The following NUP210 variants were observed in gnomAD, a reference collection of about 807,000 sequenced individuals.
The protein encoded by NUP210 is nucleoporin 210.
Under a neutral mutation model 196.0 loss-of-function variants are expected in NUP210, and 151 were observed. The observed-to-expected ratio is 0.77, with a 90% CI of 0.67 to 0.88. The LOEUF (loss-of-function observed/expected upper bound fraction) is 0.88, where lower values mean the gene tolerates loss of function less well. NUP210 is among the 40% of genes least tolerant of loss of function. The pLI is 0.00. For missense variants in NUP210, 2,314 were observed against 2,493.7 expected (o/e 0.93, Z 1.53); for synonymous variants, 1,070 against 1,052.7 (o/e 1.02, Z -0.32).
At chr3:13,333,634 C>T (rs932839892) in intron 28 of NUP210, among the ~76,000 whole-genome samples, 23 of 152,310 alleles carry the variant, frequency 1.5e-4, no homozygotes, top group South Asian at 8.3e-4. Context: ...ACTTCCCAAA[C>T]GGTGAGAAAC....
Position 13,339,934 on chromosome 3 carries a change from G to T in NUP210, c.3391C>A (p.Leu1131Ile). The change falls in exon 25 of 40, where the codon CTC becomes ATC. Residue 1131 changes from leucine to isoleucine, a missense_variant. Transcript: ENST00000254508. The stretch of plus-strand genomic sequence containing the variant: ...GACACAGTGCCGTTCCCGATGGCGA[G>T]GCCCTGTACCAGCCCAGCAGCGCTC... The part of the protein sequence containing the change: ...LVSAAGLVQG[L>I]AIGNGTVSGL... The T allele has an allele frequency of 6.2e-7, 1 of 1,614,034 alleles. No homozygotes were observed. Among genetic ancestry groups the T allele is most frequent in the Non-Finnish European group, 8.5e-7 (1 of 1,180,044 alleles).
Position 13,328,828 on chromosome 3 carries a change from T to C in NUP210, c.4229A>G (p.Asp1410Gly), listed in dbSNP as rs1559308790. 6.2e-7 allele frequency: 1 copy of C among 1,614,170 alleles called. No individual in the cohort carries two copies. The highest frequency in any genetic ancestry group is 2.2e-5 in the East Asian group (1 of 44,886). ...AGCATGGAAGACATCTCCAGAGTTG[T>C]CGTGGAAGTGGACAGTGAAGGTCAC... ...MTVTFTVHFH[D>G]NSGDVFHAHS... The change falls in exon 31 of 40, where the codon GAC becomes GGC. Residue 1410 changes from aspartate (D) to glycine (G), a missense_variant. Coordinates refer to ENST00000254508, the MANE Select transcript of NUP210 (RefSeq NM_024923.4).
rs777191665 is a variant in NUP210, at chr3:13,322,281, G to T, written c.4827C>A (p.Ile1609=). The change falls in exon 35 of 40, where the codon ATC becomes ATA. Residue 1609 remains isoleucine (I), a synonymous_variant. Coordinates refer to ENST00000254508, the MANE Select transcript of NUP210 (RefSeq NM_024923.4). ...CCGGCTTGAACTGGGACTGGCAGCT[G>T]ATGAGGGTCTCTGGGTGCAAGGCCT... ...VIQALHPETL[I]SCQSQFKPAV... 6.2e-7 allele frequency: 1 copy of T among 1,614,256 alleles called. No homozygotes were observed. Among genetic ancestry groups the T allele is most frequent in the Non-Finnish European group, 8.5e-7 (1 of 1,180,036 alleles).
intron 13 of NUP210, among the ~76,000 whole-genome samples, chr3:13,366,605 C>G (rs1049857476): frequency 6.6e-6 from 1 of 150,912 alleles, no homozygotes; most frequent in African/African-American, 2.4e-5. Context: ...GCAAGCTCCA[C>G]CTCCCGGCTT....
At chr3:13,321,895 CT>C in intron 35 of NUP210, 60 bp from the exon 36 acceptor site, 1 of 1,560,026 alleles carries the variant, frequency 6.4e-7, no homozygotes, top group Non-Finnish European at 8.7e-7. Flanking sequence ...GATGTCATTT[CT>C]TCTCCCTGCT....
Position 13,340,057 on chromosome 3 carries a change from G to A in NUP210, c.3292-24C>T, listed in dbSNP as rs370773753. 22 of 1,609,800 alleles carry A rather than the reference G, an allele frequency of 1.4e-5. No homozygotes were observed. The highest frequency in any genetic ancestry group is 1.7e-4 in the Middle Eastern group (1 of 6,060). ...ACCTGAGCGGGGAGGAAACAGCGGC[G>A]TGTCAGTGCCCGTCATGCCAGGCAG... On this transcript the variant is annotated intron_variant, in intron 24 of 39. Coordinates refer to ENST00000254508, the MANE Select transcript of NUP210 (RefSeq NM_024923.4). This position sits in a 1 kb window ranked among gnomAD's most constrained non-coding sequence, Gnocchi z 4.0.
chr3:13,340,056 C>A lies in NUP210; in HGVS notation c.3292-23G>T, dbSNP rs1030566055. ...GACCTGAGCGGGGAGGAAACAGCGGCGTGTCAGTGCCCGTCATGCCAGGCA... is the reference window on the plus strand; with the variant it reads ...GACCTGAGCGGGGAGGAAACAGCGGAGTGTCAGTGCCCGTCATGCCAGGCA... On this transcript the variant is annotated intron_variant, in intron 24 of 39. Transcript: ENST00000254508. The surrounding 1 kb of genome is among the most constrained non-coding windows in gnomAD (Gnocchi z 4.0). 9 of 1,609,530 alleles carry A rather than the reference C, an allele frequency of 5.6e-6. No homozygotes were observed. Among genetic ancestry groups the A allele is most frequent in the Non-Finnish European group, 7.6e-6 (9 of 1,176,934 alleles).
rs1011167788 is a variant in NUP210, at chr3:13,379,279, C to T, written c.976+284G>A. Among the ~76,000 whole-genome samples the T allele has an allele frequency of 3.3e-5, 5 of 152,182 alleles. No homozygotes were observed. Among genetic ancestry groups the T allele is most frequent in the African/African-American group, 1.2e-4 (5 of 41,448 alleles). ...ATGCTAGTATGGAAACAGCCCCCGC[C>T]AGGCCCCCTCTGAGAAGGCTGCAGG... On this transcript the variant is annotated intron_variant, in intron 7 of 39. Transcript: ENST00000254508. This position sits in a 1 kb window ranked among gnomAD's most constrained non-coding sequence, Gnocchi z 4.2.
intron 1 of NUP210, among the ~76,000 whole-genome samples, chr3:13,405,860 G>A (rs1188030976): frequency 6.6e-6 from 1 of 152,106 alleles, no homozygotes; most frequent in Non-Finnish European, 1.5e-5. Context: ...CCCATTCCAG[G>A]AGCATTTTCC....
chr3:13,360,061 T>C (rs1166439127), intron 15 of NUP210, among the ~76,000 whole-genome samples: 1 of 152,222 alleles, frequency 6.6e-6, no homozygotes. Flanking sequence ...AAAGCTGGCA[T>C]AGCGGGAGGT....
chr3:13,397,929 A>G (rs562929239), intron 2 of NUP210, among the ~76,000 whole-genome samples: 1 of 152,330 alleles, frequency 6.6e-6, no homozygotes, highest in South Asian at 2.1e-4. Flanking sequence ...CAAGTATAGT[A>G]CAGAAGGGGC....
chr3:13,323,532 A>G lies in NUP210; in HGVS notation c.4645-100T>C. ...ACCCTGCAGTCTGTGACATAGTGTC[A>G]CCCGTTTCACAGGTGGCAACACTGA... On this transcript the variant is annotated intron_variant, in intron 33 of 39. Transcript: ENST00000254508. The surrounding 1 kb of genome is among the most constrained non-coding windows in gnomAD (Gnocchi z 4.3). 1 of 1,372,264 alleles carries G rather than the reference A, an allele frequency of 7.3e-7. No individual in the cohort carries two copies. The highest frequency in any genetic ancestry group is 1.3e-5 in the South Asian group (1 of 76,826). The allele number at this position is 1,372,264 out of a possible 1,614,324, so 85.0% of individuals were successfully genotyped here.
chr3:13,319,823 G>C lies in NUP210; in HGVS notation c.5323C>G (p.Gln1775Glu), dbSNP rs766538238. ...TLTFSSPVTN[Q>E]AIAIPVTVAF... ...ACTGTCACTGGGATGGCAATGGCTT[G>C]GTTGGTCACGGGGCTGGAGAAGGTC... Residue 1775 changes from glutamine (Q) to glutamate (E), a missense_variant, in exon 37 of 40, where the codon CAA (glutamine) becomes GAA (glutamate). Coordinates refer to ENST00000254508, the MANE Select transcript of NUP210 (RefSeq NM_024923.4). 7.4e-6 allele frequency: 12 copies of C among 1,614,140 alleles called. No individual in the cohort carries two copies. The highest frequency in any genetic ancestry group is 1.0e-5 in the Non-Finnish European group (12 of 1,180,028).
rs748436342 is a variant in NUP210, at chr3:13,327,260, C to A, written c.4464G>T (p.Val1488=). ...CAGTGGCCAGACAGAGCACGTCCCC[C>A]ACCACCATGGCCCCAGACAGCTCTG... is the stretch of plus-strand genomic sequence containing the variant. The part of the protein sequence containing the change: ...ISPELSGAMV[V]GDVLCLATVL... Residue 1488 remains valine, a synonymous_variant, in exon 32 of 40, where the codon GTG becomes GTT. Coordinates refer to ENST00000254508, the MANE Select transcript of NUP210 (RefSeq NM_024923.4). The A allele has an allele frequency of 6.2e-7, 1 of 1,613,460 alleles. No individual in the cohort carries two copies. Among genetic ancestry groups the A allele is most frequent in the Non-Finnish European group, 8.5e-7 (1 of 1,180,014 alleles).
At chr3:13,398,745 C>T (rs781174911) in intron 2 of NUP210, among the ~76,000 whole-genome samples, 91 of 152,194 alleles carry the variant, frequency 6.0e-4, no homozygotes, top group African/African-American at 1.7e-3. Context: ...CACAGGGAGA[C>T]GCCCAACTCG....
chr3:13,375,673 TG>T (rs779396019), intron 10 of NUP210, 32 bp from the exon 11 acceptor site: 1 of 1,601,240 alleles, frequency 6.2e-7, no homozygotes, highest in Non-Finnish European at 8.5e-7. Context: ...CACGTAACCA[TG>T]ACAACCATGT....
intron 33 of NUP210, 80 bp downstream of exon 33, chr3:13,325,715 G>A: frequency 6.5e-7 from 1 of 1,535,392 alleles, no homozygotes; most frequent in Non-Finnish European, 8.9e-7. Context: ...AAAAGGAAAA[G>A]TCTTCATAAT....
chr3:13,343,656 G>T (rs1284180128), intron 20 of NUP210, among the ~76,000 whole-genome samples: 1 of 152,206 alleles, frequency 6.6e-6, no homozygotes, highest in African/African-American at 2.4e-5. Flanking sequence ...GCAGCCTTGG[G>T]ACGTGCACCA....
chr3:13,377,636 C>T, intron 8 of NUP210, 74 bp from the exon 9 acceptor site: 1 of 1,105,288 alleles, frequency 9.0e-7, no homozygotes. Context: ...GACCACCACC[C>T]TCAGCACAGG....
Sources: allele counts gnomAD v4.1 joint callset (sites outside exome capture counted in the v4.1 genomes callset), GRCh38; gene constraint gnomAD v4.1.1; non-coding constraint Gnocchi (gnomAD v3.1); transcripts MANE v1.5; gene names NCBI Gene and HGNC (gene_info 2026-07-23, HGNC 2026-07-21).